The following HDGFL2 variants were observed in gnomAD, a reference collection of about 807,000 sequenced individuals.
HDGFL2 encodes HDGF like 2.
A neutral mutation model predicts 77.1 loss-of-function variants in HDGFL2; 36 were observed. The observed-to-expected ratio is 0.47, with a 90% CI of 0.36 to 0.62. The LOEUF (loss-of-function observed/expected upper bound fraction) is 0.62. HDGFL2 is among the 20% of genes least tolerant of loss of function. The pLI, the probability that HDGFL2 is intolerant of heterozygous loss-of-function variation, is 0.00. For missense variants in HDGFL2, 976 were observed against 973.4 expected, an observed-to-expected ratio of 1.00 and a Z score of -0.04; for synonymous variants, 463 against 413.1, an observed-to-expected ratio of 1.12 and a Z score of -1.46.
Position 4,499,664 on chromosome 19 carries a change from G to A in HDGFL2, c.1749G>A (p.Glu583=), listed in dbSNP as rs1168422308. The A allele has an allele frequency of 1.9e-6, 3 of 1,577,286 alleles. No homozygotes were observed. Among genetic ancestry groups the A allele is most frequent in the Non-Finnish European group, 1.7e-6 (2 of 1,161,600 alleles). Residue 583 remains glutamate (E), a synonymous_variant, in exon 14 of 16, where the codon GAG becomes GAA. Coordinates refer to ENST00000616600, the MANE Select transcript of HDGFL2 (RefSeq NM_001001520.3). ...EKLAGEELAG[E]EAPQEKAEDK... ...TGGCCGGGGAGGAGCTGGCCGGGGA[G>A]GAGGCCCCCCAGGAGAAGGCGGAGG...
At position 4,494,437 on chromosome 19, in the gene HDGFL2, T is replaced by A; in HGVS notation, c.1186T>A (p.Ser396Thr). ...GGGCCGGGGCCGGGGTCCCCCGTCC[T>A]CCTCTGACTCCGAGCCCGAGGCCGA... ...RKGRGRGPPSSSDSEPEAELE... is the reference protein window; with the variant it reads ...RKGRGRGPPSTSDSEPEAELE... The change falls in exon 9 of 16, where the codon TCC becomes ACC. Residue 396 changes from serine (S) to threonine (T), a missense_variant. Ser to Thr is a moderately conservative substitution (Grantham distance 58). Transcript: ENST00000616600. 7.1e-7 allele frequency: 1 copy of A among 1,402,006 alleles called. No homozygotes were observed. The highest frequency in any genetic ancestry group is 1.6e-5 in the South Asian group (1 of 61,352). The allele number at this position is 1,402,006 out of a possible 1,614,324, so 86.8% of individuals were successfully genotyped here.
chr19:4,501,905 C>A lies in HDGFL2; in HGVS notation c.1917-6C>A. On this transcript the variant is annotated splice_polypyrimidine_tract_variant and splice_region_variant and intron_variant, in intron 15 of 15. Coordinates refer to ENST00000616600, the MANE Select transcript of HDGFL2 (RefSeq NM_001001520.3). ...ATCCTCACACCGCCTTTGCTGTTCC[C>A]ACCAGCAGCGTACGGGAGGGTCCCG... 6 of 1,448,850 alleles carry A rather than the reference C, an allele frequency of 4.1e-6. No individual in the cohort carries two copies. The highest frequency in any genetic ancestry group is 5.4e-6 in the Non-Finnish European group (6 of 1,104,992). 89.7% of individuals were successfully genotyped at this position (1,448,850 alleles called of 1,614,324 possible).
At chr19:4,497,681 C>T (rs780913569) in intron 10 of HDGFL2, 2 of 499,988 alleles carry the variant, frequency 4.0e-6, no homozygotes, top group Non-Finnish European at 7.2e-6. Flanking sequence ...TAGACAAAGC[C>T]AGCCCTTGGC....
At chr19:4,480,176 GATCCCACCTAATAC>G (rs763720827) in intron 3 of HDGFL2, among the ~76,000 whole-genome samples, 51 of 152,120 alleles carry the variant, frequency 3.4e-4, no homozygotes, top group Non-Finnish European at 5.7e-4. Context: ...GACCTAGAAG[GATCCCACCTAATAC>G]ATCCTTGTTG....
intron 4 of HDGFL2, among the ~76,000 whole-genome samples, chr19:4,490,201 C>T (rs1396957561): frequency 6.6e-6 from 1 of 152,184 alleles, no homozygotes; most frequent in Non-Finnish European, 1.5e-5. Context: ...AATTCTTTTG[C>T]CTCAGCCTCC....
Position 4,494,454 on chromosome 19 carries a change from C to T in HDGFL2, c.1203C>T (p.Pro401=). ...CCCCGTCCTCCTCTGACTCCGAGCC[C>T]GAGGCCGAGCTGGAGAGAGAGGTGA... ...RGPPSSSDSE[P]EAELEREAKK... is the part of the protein sequence containing the mutation. The change falls in exon 9 of 16, where the codon CCC becomes CCT. Residue 401 remains proline, a synonymous_variant. Coordinates refer to ENST00000616600, the MANE Select transcript of HDGFL2 (RefSeq NM_001001520.3). 7.2e-7 allele frequency: 1 copy of T among 1,394,696 alleles called. No homozygotes were observed. Among genetic ancestry groups the T allele is most frequent in the Non-Finnish European group, 9.3e-7 (1 of 1,079,070 alleles). 86.4% of individuals were successfully genotyped at this position (1,394,696 alleles called of 1,614,324 possible). A position where few individuals can be genotyped will look rare whatever the true frequency, so the allele number is the denominator to read the frequency against.
chr19:4,485,077 A>T (rs1245082367), intron 3 of HDGFL2, among the ~76,000 whole-genome samples: 1 of 152,080 alleles, frequency 6.6e-6, no homozygotes, highest in Non-Finnish European at 1.5e-5. Flanking sequence ...AAGTGCTGGG[A>T]TTACAGGCAT....
chr19:4,493,985 A>C lies in HDGFL2; in HGVS notation c.842A>C (p.Glu281Ala). Residue 281 changes from glutamate to alanine, a missense_variant, in exon 8 of 16, where the codon GAG becomes GCG. Coordinates refer to ENST00000616600, the MANE Select transcript of HDGFL2 (RefSeq NM_001001520.3). Reference sequence around the variant, plus strand: ...CCCCCTCCTCCTCTTCCTGTAGCGGAGAAGCCTCTCCCGAAGCCGCGAGGG... The same window carrying C: ...CCCCCTCCTCCTCTTCCTGTAGCGGCGAAGCCTCTCCCGAAGCCGCGAGGG... ...KKPPRGRKPA[E>A]KPLPKPRGRK... is the part of the protein sequence containing the mutation. 6.2e-7 allele frequency: 1 copy of C among 1,607,986 alleles called. No individual in the cohort carries two copies. Among genetic ancestry groups the C allele is most frequent in the Non-Finnish European group, 8.5e-7 (1 of 1,178,198 alleles).
At chr19:4,490,060 C>G (rs1599713697) in intron 4 of HDGFL2, among the ~76,000 whole-genome samples, 1 of 152,300 alleles carries the variant, frequency 6.6e-6, no homozygotes, top group East Asian at 1.9e-4. Flanking sequence ...TGCATCCGCA[C>G]TGCAGCCCGG....
Position 4,472,428 on chromosome 19 carries a change from G to C in HDGFL2, c.72+6G>C. The C allele has an allele frequency of 7.8e-7, 1 of 1,282,246 alleles. No individual in the cohort carries two copies. The highest frequency in any genetic ancestry group is 1.0e-6 in the Non-Finnish European group (1 of 964,948). The allele number at this position is 1,282,246 out of a possible 1,614,324, so 79.4% of individuals were successfully genotyped here. A position where few individuals can be genotyped will look rare whatever the true frequency, so the allele number is the denominator to read the frequency against. On this transcript the variant is annotated splice_donor_region_variant and intron_variant, in intron 1 of 15. Coordinates refer to ENST00000616600, the MANE Select transcript of HDGFL2 (RefSeq NM_001001520.3). ...ACCCTCACTGGCCTGCCAGGGTGAG[G>C]CCGCGCGGGAGATGGGGCCGGTGGG...
At chr19:4,475,023 T>C (rs1975035728) in intron 1 of HDGFL2, 1 of 501,338 alleles carries the variant, frequency 2.0e-6, no homozygotes, top group East Asian at 3.6e-5. Context: ...GGATCTGGCT[T>C]TGCTCAGGTG....
At chr19:4,493,650 C>T (rs377579549) in intron 6 of HDGFL2, 53 bp from the exon 7 acceptor site, 10 of 1,393,242 alleles carry the variant, frequency 7.2e-6, no homozygotes, top group African/African-American at 6.0e-5. Context: ...TGGTGCGCCC[C>T]GCTTCTCACG....
At chr19:4,488,023 T>A (rs901064519) in intron 3 of HDGFL2, among the ~76,000 whole-genome samples, 7 of 152,012 alleles carry the variant, frequency 4.6e-5, no homozygotes, top group Non-Finnish European at 1.0e-4. Context: ...CAGGCTGGAG[T>A]GCAGTGGCGT....
In HDGFL2 at chr19:4,494,246, G is replaced by T. The variant is rs1192493498; in HGVS notation, c.995G>T (p.Arg332Leu). 3 of 1,461,864 alleles carry T rather than the reference G, an allele frequency of 2.1e-6. No homozygotes were observed. The highest frequency in any genetic ancestry group is 1.8e-6 in the Non-Finnish European group (2 of 1,110,504). 90.6% of individuals were successfully genotyped at this position (1,461,864 alleles called of 1,614,324 possible). A position where few individuals can be genotyped will look rare whatever the true frequency, so the allele number is the denominator to read the frequency against. Residue 332 changes from arginine to leucine, a missense_variant, in exon 9 of 16, where the codon CGG (arginine) becomes CTG (leucine). Transcript: ENST00000616600. ...ARRRELEARR[R>L]REQEEELRRL... ...AGGCGCGAGCTGGAGGCCCGGCGGCGGCGAGAGCAGGAGGAGGAGCTGCGG... is the reference window on the plus strand; with the variant it reads ...AGGCGCGAGCTGGAGGCCCGGCGGCTGCGAGAGCAGGAGGAGGAGCTGCGG...
chr19:4,492,387 G>C (rs1975539475), intron 6 of HDGFL2, among the ~76,000 whole-genome samples: 1 of 151,928 alleles, frequency 6.6e-6, no homozygotes. Flanking sequence ...GTATGCCTGT[G>C]TGTGTGTGTG....
At chr19:4,485,883 C>CAAAA (rs57557081) in intron 3 of HDGFL2, among the ~76,000 whole-genome samples, 5,642 of 95,584 alleles carry the variant, frequency 0.059, 448 homozygotes, top group Middle Eastern at 0.093. Flanking sequence ...CCCATGTCTA[C>CAAAA]AAAAAAAAAA....
chr19:4,499,221 C>G (rs887144388), intron 13 of HDGFL2, among the ~76,000 whole-genome samples: 1 of 152,162 alleles, frequency 6.6e-6, no homozygotes, highest in African/African-American at 2.4e-5. Context: ...TGGCGCACGC[C>G]TGTAATCCCA....
chr19:4,473,058 G>A (rs1270449648), intron 1 of HDGFL2, among the ~76,000 whole-genome samples: 7 of 149,426 alleles, frequency 4.7e-5, no homozygotes, highest in African/African-American at 1.2e-4. Flanking sequence ...CACCTTGGGG[G>A]TTTGGGGGTG....
At chr19:4,497,830 C>T (rs759862660) in intron 10 of HDGFL2, 128 bp from the exon 11 acceptor site, 9 of 815,884 alleles carry the variant, frequency 1.1e-5, no homozygotes, top group East Asian at 2.7e-5. Context: ...TCCCGTTTCC[C>T]GGCTTAGCTC....
Sources: gnomAD v4.1 joint callset for allele counts (sites outside exome capture counted in the v4.1 genomes callset) on GRCh38, gnomAD v4.1.1 for gene constraint, MANE v1.5 for transcripts, NCBI Gene and HGNC (gene_info 2026-07-23, HGNC 2026-07-21) for gene names.